Variants in SDK2 observed in about 807,000 individuals in gnomAD.
SDK2 encodes the protein sidekick cell adhesion molecule 2.
In SDK2, 105 loss-of-function variants were observed where a neutral mutation model predicts 253.9. That is an observed-to-expected ratio of 0.41 (90% CI 0.35 to 0.49). The LOEUF is 0.49. Among genes scored for constraint, SDK2 ranks in the 20% least tolerant of loss-of-function variants. The pLI is 0.06. For synonymous variants in SDK2, 1,249 were observed against 1,234.9 expected (o/e 1.01, Z -0.24); for missense variants, 2,608 against 3,003.0 (o/e 0.87, Z 3.07).
chr17:73,400,936 C>T, intron 21 of SDK2, 84 bp downstream of exon 21: 2 of 1,357,574 alleles, frequency 1.5e-6, no homozygotes, highest in East Asian at 2.5e-5. Flanking sequence ...GCATGAGCCA[C>T]CACGCCCAGC....
At chr17:73,406,263 A>G (rs1245897120) in intron 18 of SDK2, among the ~76,000 whole-genome samples, 2 of 104,204 alleles carry the variant, frequency 1.9e-5, no homozygotes, top group Non-Finnish European at 4.2e-5. Context: ...TTTTTTTTTG[A>G]GATGGAGTCT....
At chr17:73,365,881 G>A (rs1207567363) in intron 37 of SDK2, among the ~76,000 whole-genome samples, 2 of 152,124 alleles carry the variant, frequency 1.3e-5, no homozygotes, top group African/African-American at 4.8e-5. Flanking sequence ...TCCTCCTGGG[G>A]CTCCAGGGCT....
rs969965096 is a variant in SDK2, at chr17:73,365,684, C to G, written c.5168-289G>C. Among the ~76,000 whole-genome samples, 3 of 152,134 alleles carry G rather than the reference C, an allele frequency of 2.0e-5. No individual in the cohort carries two copies. In the South Asian group the frequency reaches 6.2e-4, roughly 32 times the overall value. ...TCTCCCTGCTAAGTGGCTCTGAGCC[C>G]GGGCTATGAGTGTGGGACAAGCTGT... On this transcript the variant is annotated intron_variant, in intron 37 of 44. Coordinates refer to ENST00000392650, the MANE Select transcript of SDK2 (RefSeq NM_001144952.2).
At chr17:73,600,118 C>A (rs2143046358) in intron 1 of SDK2, among the ~76,000 whole-genome samples, 1 of 152,312 alleles carries the variant, frequency 6.6e-6, no homozygotes, top group South Asian at 2.1e-4. Flanking sequence ...TTGTGCTGGA[C>A]AGGAGGGGAC....
At chr17:73,523,521 C>T (rs1382057814) in intron 1 of SDK2, among the ~76,000 whole-genome samples, 1 of 151,842 alleles carries the variant, frequency 6.6e-6, no homozygotes, top group Middle Eastern at 3.4e-3. Context: ...AAGATGGCCA[C>T]GTGAAGACAG....
intron 1 of SDK2, among the ~76,000 whole-genome samples, chr17:73,625,023 C>T (rs1473090604): frequency 2.6e-5 from 4 of 152,188 alleles, no homozygotes; most frequent in East Asian, 1.9e-4. Flanking sequence ...ATTTGATAGA[C>T]GAAGTAACTG....
chr17:73,538,452 G>C (rs2044815638), intron 1 of SDK2, among the ~76,000 whole-genome samples: 1 of 152,154 alleles, frequency 6.6e-6, no homozygotes, highest in Non-Finnish European at 1.5e-5. Flanking sequence ...TGTGATGCTG[G>C]GGCCTCGGAG....
chr17:73,422,236 C>T lies in SDK2; in HGVS notation c.2045+51G>A, dbSNP rs151276113. 1.0e-3 allele frequency: 1,630 copies of T among 1,600,168 alleles called. 19 individuals are homozygous for T. In the African/African-American group the frequency reaches 0.019, roughly 19 times the overall value. ...TGCCACATCGGTTTCGGCTGCAGCC[C>T]CTGCCTGTTGGAGTCCTGGCGACGC... On this transcript the variant is annotated intron_variant, in intron 15 of 44. Transcript: ENST00000392650.
intron 32 of SDK2, among the ~76,000 whole-genome samples, chr17:73,385,389 C>T (rs539222433): frequency 1.9e-3 from 290 of 152,236 alleles, no homozygotes; most frequent in African/African-American, 6.6e-3. Flanking sequence ...GTGATGATGA[C>T]GGGCATAGGT....
chr17:73,410,017 A>G (rs903124053), intron 18 of SDK2, among the ~76,000 whole-genome samples: 1 of 151,972 alleles, frequency 6.6e-6, no homozygotes, highest in South Asian at 2.1e-4. Flanking sequence ...ACCACACCTG[A>G]CTAACTTTTT....
At chr17:73,436,366 C>T (rs950650189) in intron 8 of SDK2, among the ~76,000 whole-genome samples, 2 of 152,058 alleles carry the variant, frequency 1.3e-5, no homozygotes, top group Non-Finnish European at 2.9e-5. Context: ...CACCTGAGCT[C>T]AGGAGTTTGA....
chr17:73,483,661 GTATATA>G (rs61050632), intron 2 of SDK2, among the ~76,000 whole-genome samples: 1,697 of 70,070 alleles, frequency 0.024, 151 homozygotes, highest in Middle Eastern at 0.043. Flanking sequence ...GTGTGTGTGT[GTATATA>G]TATATATATA....
chr17:73,625,836 G>C (rs1045418309), intron 1 of SDK2, among the ~76,000 whole-genome samples: 1 of 152,058 alleles, frequency 6.6e-6, no homozygotes, highest in African/African-American at 2.4e-5. Flanking sequence ...GTAGAGACAG[G>C]ATTTTGTCAT....
At position 73,481,167 on chromosome 17, in the gene SDK2, GT is replaced by G. The variant is rs1273080480; in HGVS notation, c.225-8950del. 8.5e-5 allele frequency among the ~76,000 whole-genome samples: 13 copies of G among 152,296 alleles called. No homozygotes were observed. Among genetic ancestry groups the G allele is most frequent in the African/African-American group, 3.1e-4 (13 of 41,578 alleles). On this transcript the variant is annotated intron_variant, in intron 2 of 44. Coordinates refer to ENST00000392650, the MANE Select transcript of SDK2 (RefSeq NM_001144952.2). This position sits in a 1 kb window ranked among gnomAD's most constrained non-coding sequence, Gnocchi z 4.5. ...CAAGCCCAGGCGAGCTGAGCACGGG[GT>G]TCCAGAATCCTTGGAAGGTGGGGGA...
At chr17:73,500,460 C>T (rs566363924) in intron 2 of SDK2, among the ~76,000 whole-genome samples, 19 of 142,006 alleles carry the variant, frequency 1.3e-4, no homozygotes, top group Admixed American at 2.8e-4. Flanking sequence ...TCTCCTCCAT[C>T]CTCCATCCAT....
intron 1 of SDK2, chr17:73,516,848 A>C (rs553743138): frequency 6.6e-6 from 1 of 152,236 alleles, no homozygotes; most frequent in Non-Finnish European, 1.5e-5. Context: ...CGGATCATCA[A>C]TTTGTTTGAA....
intron 1 of SDK2, among the ~76,000 whole-genome samples, chr17:73,603,144 C>T (rs997510366): frequency 1.3e-5 from 2 of 152,150 alleles, no homozygotes; most frequent in Non-Finnish European, 2.9e-5. Flanking sequence ...TCACATGTCC[C>T]CTGGAGGGCA....
chr17:73,523,745 C>T (rs2064102746), intron 1 of SDK2, among the ~76,000 whole-genome samples: 1 of 152,078 alleles, frequency 6.6e-6, no homozygotes, highest in Non-Finnish European at 1.5e-5. Flanking sequence ...TTTCTTATAG[C>T]AGCAAATGGA....
At chr17:73,567,164 C>T (rs1166913759) in intron 1 of SDK2, among the ~76,000 whole-genome samples, 1 of 152,238 alleles carries the variant, frequency 6.6e-6, no homozygotes, top group Admixed American at 6.5e-5. Flanking sequence ...CCCTCTGCGG[C>T]CCCAGGAGGC....
Sources: gnomAD v4.1 joint callset for allele counts (sites outside exome capture counted in the v4.1 genomes callset) on GRCh38, gnomAD v4.1.1 for gene constraint, Gnocchi (gnomAD v3.1) non-coding constraint, MANE v1.5 for transcripts, NCBI Gene and HGNC (gene_info 2026-07-23, HGNC 2026-07-21) for gene names.